ARL15: variants seen among roughly 807,000 people sequenced by gnomAD.
ARL15 encodes the protein ARF like GTPase 15.
ARL15 carries 19 observed loss-of-function variants against 25.2 expected under a neutral mutation model. That is an observed-to-expected ratio of 0.75 (90% CI 0.53 to 1.10). ARL15 has a LOEUF of 1.10. Among genes scored for constraint, ARL15 ranks in the 50% least tolerant of loss-of-function variants. The probability of loss-of-function intolerance (pLI) is 0.00; values close to 1 mark genes in which losing one functional copy is unlikely to be tolerated. For synonymous variants in ARL15, 94 were observed against 86.8 expected (o/e 1.08, Z -0.46); for missense variants, 220 against 246.0 (o/e 0.89, Z 0.71).
At chr5:53,902,250 A>G (rs1186058124) in intron 4 of ARL15, among the ~76,000 whole-genome samples, 1 of 152,198 alleles carries the variant, frequency 6.6e-6, no homozygotes, top group Non-Finnish European at 1.5e-5. Flanking sequence ...TGATCAGACA[A>G]CCAGGGGAAC....
intron 2 of ARL15, among the ~76,000 whole-genome samples, chr5:54,160,852 A>G (rs1466392715): frequency 6.6e-6 from 1 of 152,180 alleles, no homozygotes; most frequent in Non-Finnish European, 1.5e-5. Context: ...TAAGAAACCA[A>G]CTCTGAAGGT....
chr5:54,252,871 G>A (rs967337572), intron 1 of ARL15, among the ~76,000 whole-genome samples: 2 of 151,972 alleles, frequency 1.3e-5, no homozygotes, highest in African/African-American at 4.8e-5. Flanking sequence ...CCATAGAGGC[G>A]CGCACCACCA....
intron 1 of ARL15, among the ~76,000 whole-genome samples, chr5:54,270,781 C>G (rs1438246795): frequency 6.6e-6 from 1 of 152,170 alleles, no homozygotes; most frequent in Non-Finnish European, 1.5e-5. Context: ...GCCAACTAGA[C>G]TGGATTAAGG....
intron 4 of ARL15, among the ~76,000 whole-genome samples, chr5:54,010,028 C>T (rs1749181741): frequency 6.6e-6 from 1 of 152,150 alleles, no homozygotes; most frequent in Non-Finnish European, 1.5e-5. Flanking sequence ...AAGACCAACA[C>T]ATAAGGCCAC....
intron 4 of ARL15, among the ~76,000 whole-genome samples, chr5:53,971,102 T>C (rs1196574874): frequency 6.6e-6 from 1 of 152,108 alleles, no homozygotes; most frequent in Non-Finnish European, 1.5e-5. Context: ...AAAAAAATTA[T>C]AAATGTTAAA....
At chr5:53,934,325 C>T (rs1746290009) in intron 4 of ARL15, among the ~76,000 whole-genome samples, 1 of 152,144 alleles carries the variant, frequency 6.6e-6, no homozygotes, top group African/African-American at 2.4e-5. Flanking sequence ...CTCAAGGCTT[C>T]CTTACTGTCA....
At chr5:53,948,913 TAAC>T (rs1746848111) in intron 4 of ARL15, among the ~76,000 whole-genome samples, 1 of 152,334 alleles carries the variant, frequency 6.6e-6, no homozygotes, top group African/African-American at 2.4e-5. Flanking sequence ...GATTTTATAA[TAAC>T]AAACTCATAC....
intron 3 of ARL15, among the ~76,000 whole-genome samples, chr5:54,126,594 G>A (rs1006392793): frequency 3.2e-4 from 49 of 152,192 alleles, no homozygotes; most frequent in Admixed American, 3.1e-3. Flanking sequence ...CAATCCAACA[G>A]TGTTGGGGGG....
At chr5:54,021,517 C>T (rs546521141) in intron 4 of ARL15, among the ~76,000 whole-genome samples, 95 of 152,022 alleles carry the variant, frequency 6.2e-4, no homozygotes, top group African/African-American at 2.1e-3. Flanking sequence ...AATAGAAGAG[C>T]GAAAACAAAA....
chr5:54,281,143 T>A (rs1233838224), intron 1 of ARL15, among the ~76,000 whole-genome samples: 1 of 152,074 alleles, frequency 6.6e-6, no homozygotes, highest in African/African-American at 2.4e-5. Context: ...TTACTATAAC[T>A]TTTTTTTGTT....
intron 1 of ARL15, among the ~76,000 whole-genome samples, chr5:54,218,505 T>C (rs529684446): frequency 6.6e-6 from 1 of 150,594 alleles, no homozygotes; most frequent in South Asian, 2.1e-4. Flanking sequence ...GATGTATTTA[T>C]GTGTATGTCA....
At chr5:54,137,329 C>T (rs761484049) in intron 3 of ARL15, among the ~76,000 whole-genome samples, 3 of 152,060 alleles carry the variant, frequency 2.0e-5, no homozygotes, top group East Asian at 3.9e-4. Flanking sequence ...AGATTCCCAG[C>T]GATGCTATGC....
chr5:54,195,367 A>G (rs10052279), intron 1 of ARL15, among the ~76,000 whole-genome samples: 44,945 of 151,982 alleles, frequency 0.3, 7,054 homozygotes, highest in African/African-American at 0.37. Flanking sequence ...AGAATTTTAA[A>G]AGGTTACAAA....
intron 4 of ARL15, among the ~76,000 whole-genome samples, chr5:53,975,707 A>G (rs1747900093): frequency 6.6e-6 from 1 of 152,236 alleles, no homozygotes; most frequent in South Asian, 2.1e-4. Context: ...AAAGTGTCAT[A>G]TGATTCTTCT....
chr5:54,058,013 TTTA>T (rs758260085), intron 4 of ARL15, among the ~76,000 whole-genome samples: 10,814 of 122,682 alleles, frequency 0.088, 500 homozygotes, highest in African/African-American at 0.12. Context: ...TATTTATTTA[TTTA>T]TTTTTTTTGA....
At chr5:54,028,713 C>T (rs1022805711) in intron 4 of ARL15, among the ~76,000 whole-genome samples, 1 of 152,108 alleles carries the variant, frequency 6.6e-6, no homozygotes, top group Non-Finnish European at 1.5e-5. Flanking sequence ...TGTAGTCAAT[C>T]AGAATTACTA....
chr5:54,159,595 T>G (rs914121396), intron 2 of ARL15, among the ~76,000 whole-genome samples: 3 of 152,198 alleles, frequency 2.0e-5, no homozygotes, highest in African/African-American at 7.2e-5. Flanking sequence ...CCTGTAGTAT[T>G]TGGCTGAAGG....
intron 1 of ARL15, 126 bp from the exon 2 acceptor site, chr5:54,172,054 A>C (rs1754734563): frequency 8.5e-7 from 1 of 1,174,370 alleles, no homozygotes; most frequent in Non-Finnish European, 1.2e-6. Flanking sequence ...TAAGGAAGAA[A>C]ACGGTAACTT....
At chr5:54,254,664 A>T (rs548193367) in intron 1 of ARL15, among the ~76,000 whole-genome samples, 1 of 152,340 alleles carries the variant, frequency 6.6e-6, no homozygotes, top group East Asian at 1.9e-4. Flanking sequence ...TAGGCCCTTC[A>T]TAAAGTGGTT....
Sources: gnomAD v4.1 joint callset for allele counts (sites outside exome capture counted in the v4.1 genomes callset) on GRCh38, gnomAD v4.1.1 for gene constraint, MANE v1.5 for transcripts, NCBI Gene and HGNC (gene_info 2026-07-23, HGNC 2026-07-21) for gene names.